The following THSD7B variants were observed in gnomAD, a reference collection of about 807,000 sequenced individuals.
The protein encoded by THSD7B is thrombospondin type-1 domain-containing protein 7B.
THSD7B carries 138 observed loss-of-function variants against 213.6 expected under a neutral mutation model. The ratio of observed to expected loss-of-function variants is 0.65; its 90% confidence interval spans 0.56 to 0.74. The LOEUF is 0.74. Among genes scored for constraint, THSD7B ranks in the 30% least tolerant of loss-of-function variants. The pLI, the probability that THSD7B is intolerant of heterozygous loss-of-function variation, is 0.00. For missense variants in THSD7B, 1,931 were observed against 1,991.5 expected (o/e 0.97, Z 0.58); for synonymous variants, 742 against 687.0 (o/e 1.08, Z -1.25).
At position 136,986,033 on chromosome 2, in the gene THSD7B, T is replaced by C. The variant is rs375596548; in HGVS notation, c.140-70387T>C. Among the ~76,000 whole-genome samples the C allele has an allele frequency of 3.9e-5, 6 of 152,310 alleles. No homozygotes were observed. In the East Asian group the frequency reaches 7.7e-4, roughly 20 times the overall value. On this transcript the variant is annotated intron_variant, in intron 2 of 27. Transcript: ENST00000409968. ...TTTGACCAATTTCTCCTTTTTGAAATGAAAATGGATACCTAATGCATGTAC... is the reference window on the plus strand; with the variant it reads ...TTTGACCAATTTCTCCTTTTTGAAACGAAAATGGATACCTAATGCATGTAC...
chr2:136,967,243 C>CTG (rs764262349), intron 2 of THSD7B, among the ~76,000 whole-genome samples: 2 of 152,168 alleles, frequency 1.3e-5, no homozygotes, highest in Non-Finnish European at 2.9e-5. Context: ...TACTGAAGGA[C>CTG]TGTTTCAAAG....
At chr2:137,381,611 G>A (rs907916142) in intron 12 of THSD7B, among the ~76,000 whole-genome samples, 4 of 152,196 alleles carry the variant, frequency 2.6e-5, no homozygotes, top group Admixed American at 6.5e-5. Context: ...CCCCACCTGC[G>A]GGGGCCTCCC....
intron 4 of THSD7B, among the ~76,000 whole-genome samples, chr2:137,111,127 T>G (rs1306689558): frequency 2.0e-5 from 3 of 152,206 alleles, no homozygotes; most frequent in African/African-American, 7.2e-5. Context: ...CATCCCTAGG[T>G]GACCACAGGG....
At chr2:137,280,526 A>T (rs1682981959) in intron 12 of THSD7B, among the ~76,000 whole-genome samples, 1 of 152,244 alleles carries the variant, frequency 6.6e-6, no homozygotes, top group South Asian at 2.1e-4. Flanking sequence ...ATAATTTTTC[A>T]GTTAAAAAAT....
chr2:137,249,696 G>A (rs545524326), intron 10 of THSD7B, among the ~76,000 whole-genome samples: 1 of 152,298 alleles, frequency 6.6e-6, no homozygotes, highest in African/African-American at 2.4e-5. Context: ...TAACTGCTCC[G>A]AGGTTACCCA....
At chr2:137,674,599 A>C (rs1683654066) in intron 27 of THSD7B, among the ~76,000 whole-genome samples, 1 of 152,238 alleles carries the variant, frequency 6.6e-6, no homozygotes. Flanking sequence ...CTTAGTATAG[A>C]TAAAGTTAAA....
At chr2:137,115,372 G>A (rs139455870) in intron 5 of THSD7B, 79 bp downstream of exon 5, 29 of 1,363,066 alleles carry the variant, frequency 2.1e-5, no homozygotes, top group Non-Finnish European at 2.6e-5. Context: ...TATTCTTCTT[G>A]AAATAAGTGA....
At chr2:137,096,881 G>T (rs1688049434) in intron 4 of THSD7B, among the ~76,000 whole-genome samples, 1 of 152,214 alleles carries the variant, frequency 6.6e-6, no homozygotes, top group Non-Finnish European at 1.5e-5. Context: ...TGAAATGCCA[G>T]GCCCAGGGCT....
At chr2:137,624,570 C>T (rs1401040147) in intron 20 of THSD7B, among the ~76,000 whole-genome samples, 5 of 152,128 alleles carry the variant, frequency 3.3e-5, no homozygotes, top group Non-Finnish European at 5.9e-5. Flanking sequence ...TCACAGTCTA[C>T]CCATCCGACA....
intron 3 of THSD7B, among the ~76,000 whole-genome samples, chr2:137,077,308 C>A (rs1687648776): frequency 6.6e-6 from 1 of 152,158 alleles, no homozygotes; most frequent in African/African-American, 2.4e-5. Flanking sequence ...GTCTTTATAG[C>A]AGCATGTTTT....
intron 2 of THSD7B, among the ~76,000 whole-genome samples, chr2:136,911,342 A>C (rs1473520023): frequency 1.3e-5 from 2 of 152,200 alleles, no homozygotes; most frequent in Non-Finnish European, 2.9e-5. Context: ...CTGTGTGTTT[A>C]ACAAAATTGG....
rs115365474 is a variant in THSD7B, at chr2:136,899,545, A to G, written c.139+17228A>G. ...AGCACAGCTATATTTAGGTCCCTCA[A>G]TGGTGTGAGGTTTCATAAAGTTCAC... On this transcript the variant is annotated intron_variant, in intron 2 of 27. Transcript: ENST00000409968. Among the ~76,000 whole-genome samples the G allele has an allele frequency of 3.0e-3, 459 of 152,308 alleles. 1 individual carries two copies. Among genetic ancestry groups the G allele is most frequent in the African/African-American group, 0.01 (434 of 41,564 alleles).
chr2:137,076,301 C>T (rs1037715104), intron 3 of THSD7B, among the ~76,000 whole-genome samples: 31 of 152,246 alleles, frequency 2.0e-4, no homozygotes, highest in Non-Finnish European at 7.3e-5. Flanking sequence ...GGGCGCCCCT[C>T]CCCCAGCCTC....
chr2:137,391,185 T>C (rs1686017403), intron 12 of THSD7B, among the ~76,000 whole-genome samples: 2 of 152,182 alleles, frequency 1.3e-5, no homozygotes, highest in South Asian at 2.1e-4. Flanking sequence ...GGTTTCATTT[T>C]GGGAGGTTGT....
rs528003519 is a variant in THSD7B at position 136,986,654 on chromosome 2, C to T, written c.140-69766C>T. 2.7e-4 allele frequency among the ~76,000 whole-genome samples: 41 copies of T among 152,282 alleles called. No homozygotes were observed. The Middle Eastern group carries it at 0.01, about 38-fold the overall frequency. On this transcript the variant is annotated intron_variant, in intron 2 of 27. Transcript: ENST00000409968. ...AGGTAGAGATAGTTGTAATGTTTCTCCTGCATTTTTTAAGGAAATGTCAAA... is the reference window on the plus strand; with the variant it reads ...AGGTAGAGATAGTTGTAATGTTTCTTCTGCATTTTTTAAGGAAATGTCAAA...
chr2:137,315,762 G>C (rs757429231), intron 12 of THSD7B, among the ~76,000 whole-genome samples: 1 of 152,168 alleles, frequency 6.6e-6, no homozygotes, highest in African/African-American at 2.4e-5. Context: ...TTGTTTCTCA[G>C]ATAGCTAGCC....
chr2:136,795,980 C>T (rs1202872544), intron 1 of THSD7B, among the ~76,000 whole-genome samples: 3 of 151,864 alleles, frequency 2.0e-5, no homozygotes, highest in African/African-American at 7.3e-5. Flanking sequence ...GGTTATCAGC[C>T]TCATTTGCAT....
chr2:137,283,405 G>C (rs982128655), intron 12 of THSD7B, among the ~76,000 whole-genome samples: 1 of 152,052 alleles, frequency 6.6e-6, no homozygotes, highest in South Asian at 2.1e-4. Flanking sequence ...TCTCCTGCCT[G>C]ATTGCCCTGG....
chr2:136,800,355 A>G (rs1017029203), intron 1 of THSD7B, among the ~76,000 whole-genome samples: 3 of 151,894 alleles, frequency 2.0e-5, no homozygotes, highest in Admixed American at 2.0e-4. Context: ...GGCTTTGGCT[A>G]TCTGGACTTG....
Sources: allele counts gnomAD v4.1 joint callset (sites outside exome capture counted in the v4.1 genomes callset), GRCh38; gene constraint gnomAD v4.1.1; transcripts MANE v1.5; gene names NCBI Gene and HGNC (gene_info 2026-07-23, HGNC 2026-07-21).